Variants in SYNDIG1 observed in about 807,000 individuals in gnomAD.
The protein encoded by SYNDIG1 is synapse differentiation-inducing gene protein 1.
A neutral mutation model predicts 19.4 loss-of-function variants in SYNDIG1; 9 were observed. The observed-to-expected ratio is 0.46, with a 90% CI of 0.28 to 0.81. The LOEUF is 0.81. Ranked by LOEUF, SYNDIG1 falls within the 30% of genes least tolerant of loss-of-function variation. The pLI, the probability that SYNDIG1 is intolerant of heterozygous loss-of-function variation, is 0.12. For missense variants in SYNDIG1, 311 were observed against 343.3 expected, an observed-to-expected ratio of 0.91 and a Z score of 0.74; for synonymous variants, 141 against 145.9, an observed-to-expected ratio of 0.97 and a Z score of 0.24.
intron 3 of SYNDIG1, among the ~76,000 whole-genome samples, chr20:24,599,764 A>C (rs1163842496): frequency 1.3e-5 from 2 of 152,230 alleles, no homozygotes; most frequent in African/African-American, 4.8e-5. Flanking sequence ...ACTTATACAC[A>C]TGAGAGCTAA....
rs6036814 is a variant in SYNDIG1 at position 24,483,710 on chromosome 20, C to T, written c.-79+13957C>T. On this transcript the variant is annotated intron_variant, in intron 1 of 3. Coordinates refer to ENST00000376862, the MANE Select transcript of SYNDIG1 (RefSeq NM_024893.3). The stretch of plus-strand genomic sequence containing the variant: ...AGTGGATATGTTTTCAAGAGTAGTT[C>T]GTTCACCACATATTGAGTACTTGCC... Among the ~76,000 whole-genome samples the T allele has an allele frequency of 1.8e-3, 267 of 152,316 alleles. 6 individuals carry two copies. The highest frequency in any genetic ancestry group is 6.3e-3 in the African/African-American group (260 of 41,576).
At position 24,665,462 on chromosome 20, in the gene SYNDIG1, C is replaced by T. The variant is rs148671644; in HGVS notation, c.735C>T (p.Ala245=). ...GGACTGGCGTCTATGTGGGCGTGGC[C>T]GTGGCCCTCATCGCCTACCTCTCCA... ...TIGTGVYVGV[A]VALIAYLSKN... The change falls in exon 4 of 4, where the codon GCC becomes GCT. Residue 245 remains alanine (A), a synonymous_variant. Transcript: ENST00000376862. The T allele has an allele frequency of 1.7e-4, 278 of 1,614,000 alleles. No individual in the cohort carries two copies. Among genetic ancestry groups the T allele is most frequent in the Non-Finnish European group, 2.2e-4 (261 of 1,179,980 alleles).
intron 3 of SYNDIG1, among the ~76,000 whole-genome samples, chr20:24,604,072 C>G (rs2058717996): frequency 6.6e-6 from 1 of 152,186 alleles, no homozygotes; most frequent in Non-Finnish European, 1.5e-5. Context: ...CATGTTCTCT[C>G]TAAACCTTGT....
Position 24,543,371 on chromosome 20 carries a change from A to T in SYNDIG1, c.274A>T (p.Ile92Phe). The T allele has an allele frequency of 6.2e-7, 1 of 1,613,616 alleles. No individual in the cohort carries two copies. The highest frequency in any genetic ancestry group is 8.5e-7 in the Non-Finnish European group (1 of 1,180,012). ...SVESRYRPNI[I>F]LYSEGVLRSW... ...GGAGTCCCGCTACCGGCCCAACATC[A>T]TCCTCTATTCAGAGGGCGTGCTGCG... is the stretch of plus-strand genomic sequence containing the variant. Residue 92 changes from isoleucine to phenylalanine, a missense_variant, in exon 2 of 4, where the codon ATC becomes TTC. Transcript: ENST00000376862.
At position 24,665,445 on chromosome 20, in the gene SYNDIG1, G is replaced by A. The variant is rs372614791; in HGVS notation, c.718G>A (p.Val240Ile). Residue 240 changes from valine (V) to isoleucine (I), a missense_variant, in exon 4 of 4, where the codon GTC (valine) becomes ATC (isoleucine). Transcript: ENST00000376862. ...GCTGTCCATCACCATTGGGACTGGC[G>A]TCTATGTGGGCGTGGCCGTGGCCCT... ...AVLSITIGTG[V>I]YVGVAVALIA... The A allele has an allele frequency of 2.3e-5, 37 of 1,613,986 alleles. No individual in the cohort carries two copies. The highest frequency in any genetic ancestry group is 1.2e-4 in the African/African-American group (9 of 75,030).
intron 3 of SYNDIG1, among the ~76,000 whole-genome samples, chr20:24,617,587 C>T (rs2058958161): frequency 6.6e-6 from 1 of 152,196 alleles, no homozygotes; most frequent in African/African-American, 2.4e-5. Context: ...ACATAGGCAA[C>T]CCATTTCACC....
chr20:24,636,020 T>C (rs1274344119), intron 3 of SYNDIG1, among the ~76,000 whole-genome samples: 1 of 152,348 alleles, frequency 6.6e-6, no homozygotes, highest in African/African-American at 2.4e-5. Context: ...TAACAATGAC[T>C]GTCGTTGACC....
intron 1 of SYNDIG1, among the ~76,000 whole-genome samples, chr20:24,477,416 T>C (rs754130153): frequency 2.2e-4 from 33 of 152,282 alleles, no homozygotes; most frequent in Non-Finnish European, 4.3e-4. Flanking sequence ...CCATTGATTG[T>C]CTTCAGTCAC....
chr20:24,474,573 G>A (rs781378279), intron 1 of SYNDIG1, among the ~76,000 whole-genome samples: 18 of 152,210 alleles, frequency 1.2e-4, no homozygotes, highest in Non-Finnish European at 1.5e-5. Flanking sequence ...CTTGCAATCC[G>A]TGTTCAGTGT....
At chr20:24,553,921 T>C (rs1427716554) in intron 2 of SYNDIG1, among the ~76,000 whole-genome samples, 1 of 152,242 alleles carries the variant, frequency 6.6e-6, no homozygotes, top group African/African-American at 2.4e-5. Flanking sequence ...TTTCACGATA[T>C]TGTTTCTTCC....
intron 1 of SYNDIG1, among the ~76,000 whole-genome samples, chr20:24,512,559 G>T (rs773802184): frequency 6.6e-6 from 1 of 152,054 alleles, no homozygotes; most frequent in Non-Finnish European, 1.5e-5. Flanking sequence ...AGTAGTCTGA[G>T]ATCAAACTGC....
chr20:24,620,722 G>T (rs1166911395), intron 3 of SYNDIG1, among the ~76,000 whole-genome samples: 6 of 152,226 alleles, frequency 3.9e-5, no homozygotes, highest in Non-Finnish European at 1.5e-5. Flanking sequence ...TATATAGTCT[G>T]CCACAGCTGT....
At chr20:24,624,332 T>A (rs1277467845) in intron 3 of SYNDIG1, among the ~76,000 whole-genome samples, 2 of 151,300 alleles carry the variant, frequency 1.3e-5, no homozygotes, top group African/African-American at 4.9e-5. Flanking sequence ...GATACAGATG[T>A]GTTAAAATTA....
intron 1 of SYNDIG1, among the ~76,000 whole-genome samples, chr20:24,511,522 T>C (rs764502497): frequency 6.6e-6 from 1 of 152,154 alleles, no homozygotes; most frequent in Non-Finnish European, 1.5e-5. Flanking sequence ...CCGTCTTTGT[T>C]TGGGGGTCTG....
chr20:24,620,838 A>G (rs1183321990), intron 3 of SYNDIG1, among the ~76,000 whole-genome samples: 2 of 152,244 alleles, frequency 1.3e-5, no homozygotes, highest in Non-Finnish European at 2.9e-5. Context: ...ACTTTATTCA[A>G]ATCAATATAT....
chr20:24,476,256 T>C (rs1313483698), intron 1 of SYNDIG1, among the ~76,000 whole-genome samples: 1 of 151,854 alleles, frequency 6.6e-6, no homozygotes, highest in African/African-American at 2.4e-5. Flanking sequence ...TTTAATACAC[T>C]AAATTTCCTC....
At chr20:24,470,905 T>G (rs918127280) in intron 1 of SYNDIG1, among the ~76,000 whole-genome samples, 1 of 150,274 alleles carries the variant, frequency 6.7e-6, no homozygotes, top group East Asian at 2.0e-4. Context: ...GCGCCTTCCC[T>G]GGCCACGTCC....
chr20:24,642,629 T>C (rs2059389201), intron 3 of SYNDIG1, among the ~76,000 whole-genome samples: 1 of 152,212 alleles, frequency 6.6e-6, no homozygotes. Flanking sequence ...AATCCAAAAC[T>C]ACATAATTTA....
At chr20:24,612,241 T>C (rs547284767) in intron 3 of SYNDIG1, among the ~76,000 whole-genome samples, 170 of 152,338 alleles carry the variant, frequency 1.1e-3, no homozygotes, top group African/African-American at 3.9e-3. Context: ...AAATAATTCC[T>C]CTTTTTTATT....
Sources: gnomAD v4.1 joint callset for allele counts (sites outside exome capture counted in the v4.1 genomes callset) on GRCh38, gnomAD v4.1.1 for gene constraint, MANE v1.5 for transcripts, NCBI Gene and HGNC (gene_info 2026-07-23, HGNC 2026-07-21) for gene names.